KCNJ15: variants seen among roughly 807,000 people sequenced by gnomAD.
KCNJ15 encodes ATP-sensitive inward rectifier potassium channel 15.
Under a neutral mutation model 23.0 loss-of-function variants are expected in KCNJ15, and 14 were observed. That is an observed-to-expected ratio of 0.61 (90% CI 0.40 to 0.95). The LOEUF is 0.95. Ranked by LOEUF, KCNJ15 falls within the 40% of genes least tolerant of loss-of-function variation. The pLI is 0.00. For missense variants in KCNJ15, 388 were observed against 461.8 expected, an observed-to-expected ratio of 0.84 and a Z score of 1.46; for synonymous variants, 185 against 183.2, an observed-to-expected ratio of 1.01 and a Z score of -0.08.
chr21:38,301,800 G>T lies in KCNJ15; in HGVS notation c.*1411G>T, dbSNP rs1471805405. On this transcript the variant is annotated 3_prime_UTR_variant, in exon 3 of 3. Coordinates refer to ENST00000398938, the MANE Select transcript of KCNJ15 (RefSeq NM_170736.3). ...CATTCCTTTGAGGCAAAAAATAAAT[G>T]GGCTATGACTGGTTAAATGTCCAAA... The T allele has an allele frequency of 6.0e-6, 1 of 166,940 alleles. No homozygotes were observed. Among genetic ancestry groups the T allele is most frequent in the Non-Finnish European group, 1.5e-5 (1 of 68,096 alleles). The allele number at this position is 166,940 out of a possible 1,614,324, so 10.3% of individuals were successfully genotyped here. A position where few individuals can be genotyped will look rare whatever the true frequency, so the allele number is the denominator to read the frequency against.
intron 1 of KCNJ15, among the ~76,000 whole-genome samples, chr21:38,278,443 C>T (rs924726608): frequency 2.0e-5 from 3 of 152,200 alleles, no homozygotes; most frequent in Non-Finnish European, 4.4e-5. Flanking sequence ...TGGAGTTATA[C>T]ATACATGAGC....
chr21:38,243,100 T>A (rs539958710), intron 1 of KCNJ15, among the ~76,000 whole-genome samples: 2 of 152,324 alleles, frequency 1.3e-5, no homozygotes, highest in South Asian at 4.1e-4. Flanking sequence ...TTACTGAGAT[T>A]TGGGCCACGT....
chr21:38,260,946 T>C (rs1980822975), intron 1 of KCNJ15, among the ~76,000 whole-genome samples: 1 of 152,188 alleles, frequency 6.6e-6, no homozygotes, highest in Non-Finnish European at 1.5e-5. Flanking sequence ...AGAGGCTGTG[T>C]AGGCCACTCA....
rs1016650530 is a variant in KCNJ15 at position 38,305,551 on chromosome 21, G to T, written c.*5162G>T. ...AAAGTCTTTGTAATCTGAATATAATGCCAGAGAGCTAGGGCTGCCAGGCAC... is the reference window on the plus strand; with the variant it reads ...AAAGTCTTTGTAATCTGAATATAATTCCAGAGAGCTAGGGCTGCCAGGCAC... On this transcript the variant is annotated 3_prime_UTR_variant, in exon 3 of 3. Coordinates refer to ENST00000398938, the MANE Select transcript of KCNJ15 (RefSeq NM_170736.3). The T allele has an allele frequency of 6.6e-6, 1 of 152,256 alleles. No homozygotes were observed. Among genetic ancestry groups the T allele is most frequent in the Non-Finnish European group, 1.5e-5 (1 of 68,052 alleles). 9.4% of individuals were successfully genotyped at this position (152,256 alleles called of 1,614,324 possible). A position where few individuals can be genotyped will look rare whatever the true frequency, so the allele number is the denominator to read the frequency against.
At position 38,300,420 on chromosome 21, in the gene KCNJ15, C is replaced by A; in HGVS notation, c.*31C>A. On this transcript the variant is annotated 3_prime_UTR_variant, in exon 3 of 3. Transcript: ENST00000398938. ...GGGGCGCCATCCAGGTTTAACCCTG[C>A]AAGCTGTTTCCACATCAGAACTCCC... is the stretch of plus-strand genomic sequence containing the variant. 1 of 1,551,024 alleles carries A rather than the reference C, an allele frequency of 6.4e-7. No individual in the cohort carries two copies. Among genetic ancestry groups the A allele is most frequent in the Non-Finnish European group, 8.7e-7 (1 of 1,146,908 alleles).
upstream of KCNJ15, among the ~76,000 whole-genome samples, chr21:38,252,341 C>G (rs1295615318): frequency 1.3e-5 from 2 of 152,160 alleles, no homozygotes; most frequent in African/African-American, 4.8e-5. Context: ...AGAGTAAATT[C>G]CCCTTCCTGT....
At chr21:38,287,643 T>C (rs1236497778) in intron 1 of KCNJ15, among the ~76,000 whole-genome samples, 1 of 152,234 alleles carries the variant, frequency 6.6e-6, no homozygotes, top group Non-Finnish European at 1.5e-5. Context: ...TTGTATTTTA[T>C]CTGGCAACTC....
At chr21:38,278,417 G>A (rs1982966201) in intron 1 of KCNJ15, among the ~76,000 whole-genome samples, 1 of 152,112 alleles carries the variant, frequency 6.6e-6, no homozygotes. Flanking sequence ...ATTTTTACCA[G>A]CATTACTCTG....
At chr21:38,278,099 G>A (rs1982927164) in intron 1 of KCNJ15, among the ~76,000 whole-genome samples, 1 of 152,190 alleles carries the variant, frequency 6.6e-6, no homozygotes. Flanking sequence ...CCTCTGCTCA[G>A]CTCATCACCA....
intron 1 of KCNJ15, among the ~76,000 whole-genome samples, chr21:38,282,674 G>A (rs1983480816): frequency 6.6e-6 from 1 of 152,036 alleles, no homozygotes; most frequent in Non-Finnish European, 1.5e-5. Context: ...TTACTAAATC[G>A]GACGCTGAGT....
Position 38,266,175 on chromosome 21 carries a change from A to G in KCNJ15, c.-117+8990A>G, listed in dbSNP as rs929791381. On this transcript the variant is annotated intron_variant, in intron 1 of 2. Coordinates refer to ENST00000398938, the MANE Select transcript of KCNJ15 (RefSeq NM_170736.3). Reference sequence around the variant, plus strand: ...TATTATACTTTAAGTTCTGGGATACATGTGCAGAATGTGGAGGTTTGTCAC... The same window carrying G: ...TATTATACTTTAAGTTCTGGGATACGTGTGCAGAATGTGGAGGTTTGTCAC... 3.3e-5 allele frequency among the ~76,000 whole-genome samples: 5 copies of G among 152,160 alleles called. 1 individual carries two copies. The highest frequency in any genetic ancestry group is 2.0e-4 in the Admixed American group (3 of 15,282).
At chr21:38,259,148 A>G (rs1156351033) in intron 1 of KCNJ15, among the ~76,000 whole-genome samples, 1 of 152,202 alleles carries the variant, frequency 6.6e-6, no homozygotes, top group Non-Finnish European at 1.5e-5. Context: ...TTTAATCAGT[A>G]CATGTCAAAT....
At chr21:38,246,844 T>C (rs1293760792) in intron 1 of KCNJ15, among the ~76,000 whole-genome samples, 1 of 152,206 alleles carries the variant, frequency 6.6e-6, no homozygotes, top group Non-Finnish European at 1.5e-5. Context: ...ACATCAGGGA[T>C]TTACTGTTCA....
At chr21:38,245,465 A>G (rs1052115630) in intron 1 of KCNJ15, among the ~76,000 whole-genome samples, 12 of 152,066 alleles carry the variant, frequency 7.9e-5, no homozygotes, top group Non-Finnish European at 1.3e-4. Context: ...GAGGGCTACC[A>G]TCTGCCTTCC....
In KCNJ15 at chr21:38,300,465, G is replaced by C; in HGVS notation, c.*76G>C. On this transcript the variant is annotated 3_prime_UTR_variant, in exon 3 of 3. Transcript: ENST00000398938. ...ACTCCCTTCAAACACAAAGATTGCT[G>C]TGAAAACGAAAATGTGTAGACGCAC... The C allele has an allele frequency of 2.2e-6, 3 of 1,345,714 alleles. No individual in the cohort carries two copies. The highest frequency in any genetic ancestry group is 3.1e-6 in the Non-Finnish European group (3 of 981,606). 83.4% of individuals were successfully genotyped at this position (1,345,714 alleles called of 1,614,324 possible). A position where few individuals can be genotyped will look rare whatever the true frequency, so the allele number is the denominator to read the frequency against.
chr21:38,230,950 CAAA>C (rs1204333855), intron 1 of KCNJ15, among the ~76,000 whole-genome samples: 8 of 152,130 alleles, frequency 5.3e-5, no homozygotes, highest in African/African-American at 9.6e-5. Context: ...TCAGTTTCTA[CAAA>C]ATAGCCATTT....
intron 1 of KCNJ15, among the ~76,000 whole-genome samples, chr21:38,246,355 G>A (rs1979375581): frequency 6.6e-6 from 1 of 152,220 alleles, no homozygotes; most frequent in Non-Finnish European, 1.5e-5. Context: ...AGATCCAGGA[G>A]TATTGGTTAC....
In KCNJ15 at chr21:38,301,436, C is replaced by T. The variant is rs1329609326; in HGVS notation, c.*1047C>T. Reference sequence around the variant, plus strand: ...TTAAAATGGCTTGCCCATAAAGGAACTGCATAGGATTATCCCCTGACATTC... The same window carrying T: ...TTAAAATGGCTTGCCCATAAAGGAATTGCATAGGATTATCCCCTGACATTC... On this transcript the variant is annotated 3_prime_UTR_variant, in exon 3 of 3. Transcript: ENST00000398938. 6.0e-6 allele frequency: 1 copy of T among 167,096 alleles called. No individual in the cohort carries two copies. Among genetic ancestry groups the T allele is most frequent in the Non-Finnish European group, 1.5e-5 (1 of 68,128 alleles). 10.4% of individuals were successfully genotyped at this position (167,096 alleles called of 1,614,324 possible).
At chr21:38,288,994 G>T (rs1452750729) in intron 1 of KCNJ15, among the ~76,000 whole-genome samples, 1 of 152,058 alleles carries the variant, frequency 6.6e-6, no homozygotes, top group Non-Finnish European at 1.5e-5. Flanking sequence ...GAGGTCAGGA[G>T]TTCGAGAGCC....
Sources: gnomAD v4.1 joint callset for allele counts (sites outside exome capture counted in the v4.1 genomes callset) on GRCh38, gnomAD v4.1.1 for gene constraint, MANE v1.5 for transcripts, NCBI Gene and HGNC (gene_info 2026-07-23, HGNC 2026-07-21) for gene names.